Variants in SPTB observed in about 807,000 individuals in gnomAD.
SPTB encodes the protein spectrin beta, erythrocytic.
In SPTB, 45 loss-of-function variants were observed where a neutral mutation model predicts 256.2. That is an observed-to-expected ratio of 0.18 (90% CI 0.14 to 0.23). The LOEUF (loss-of-function observed/expected upper bound fraction) is 0.23, where lower values mean the gene tolerates loss of function less well. Ranked by LOEUF, SPTB falls within the 10% of genes least tolerant of loss-of-function variation. The pLI, the probability that SPTB is intolerant of heterozygous loss-of-function variation, is 1.00. For synonymous variants in SPTB, 1,231 were observed against 1,243.1 expected, an observed-to-expected ratio of 0.99 and a Z score of 0.21; for missense variants, 2,715 against 3,040.4, an observed-to-expected ratio of 0.89 and a Z score of 2.52.
rs1200072657 is a variant in SPTB at position 64,795,449 on chromosome 14, C to T, written c.1532G>A (p.Ser511Asn). Residue 511 changes from serine to asparagine, a missense_variant, in exon 12 of 36, where the codon AGC (serine) becomes AAC (asparagine). By Grantham distance (46) the Ser-to-Asn change is conservative (BLOSUM62 1). Transcript: ENST00000644917. The surrounding 1 kb of genome is among the most constrained non-coding windows in gnomAD (Gnocchi z 6.5). Reference protein sequence around the residue: ...ARKDNILRLWSYLQELLQSRR... With the variant: ...ARKDNILRLWNYLQELLQSRR... ...GGACTGCAGCAGCTCCTGCAGGTAGCTCCATAGGCGCAGTATATTGTCCTT... is the reference window on the plus strand; with the variant it reads ...GGACTGCAGCAGCTCCTGCAGGTAGTTCCATAGGCGCAGTATATTGTCCTT... 1.9e-6 allele frequency: 3 copies of T among 1,614,094 alleles called. No individual in the cohort carries two copies. The highest frequency in any genetic ancestry group is 2.5e-6 in the Non-Finnish European group (3 of 1,180,038).
chr14:64,793,602 A>G lies in SPTB; in HGVS notation c.2061T>C (p.Arg687=), dbSNP rs775554756. The change falls in exon 14 of 36, where the codon CGT becomes CGC. Residue 687 remains arginine (R), a synonymous_variant. Transcript: ENST00000644917. This position sits in a 1 kb window ranked among gnomAD's most constrained non-coding sequence, Gnocchi z 7.0. ...RKHKAFEDEL[R]GLDAHLEQIF... ...TCTGCTCCAGGTGAGCATCCAGCCC[A>G]CGGAGCTCATCCTCAAAGGCCTTGT... is the stretch of plus-strand genomic sequence containing the variant. The G allele has an allele frequency of 6.2e-7, 1 of 1,614,152 alleles. No homozygotes were observed. Among genetic ancestry groups the G allele is most frequent in the Non-Finnish European group, 8.5e-7 (1 of 1,180,042 alleles).
chr14:64,770,325 A>G (rs1207303325), intron 27 of SPTB, among the ~76,000 whole-genome samples: 1 of 152,330 alleles, frequency 6.6e-6, no homozygotes, highest in East Asian at 1.9e-4. Context: ...TTATATCTCC[A>G]TAAGGATGTT....
intron 23 of SPTB, 143 bp downstream of exon 23, chr14:64,774,982 G>C: frequency 8.4e-7 from 1 of 1,191,520 alleles, no homozygotes; most frequent in Non-Finnish European, 1.2e-6. Flanking sequence ...CCAAGGGAGG[G>C]CAGGGAGTCT....
At chr14:64,788,590 G>C (rs229629) in intron 15 of SPTB, among the ~76,000 whole-genome samples, 58,463 of 152,002 alleles carry the variant, frequency 0.38, 12,901 homozygotes, top group African/African-American at 0.61. Flanking sequence ...TTGTTTGAAA[G>C]CCCTGGAATC....
At position 64,847,538 on chromosome 14, in the gene SPTB, G is replaced by C. The variant is rs1311078130; in HGVS notation, c.-51-24393C>G. Among the ~76,000 whole-genome samples the C allele has an allele frequency of 2.0e-5, 3 of 152,110 alleles. No homozygotes were observed. The highest frequency in any genetic ancestry group is 7.2e-5 in the African/African-American group (3 of 41,424). ...CTCCTTTCAAGCTACATTGGCTTTGGATCAGAACGTCAACTCAGAAGAAGA... is the reference window on the plus strand; with the variant it reads ...CTCCTTTCAAGCTACATTGGCTTTGCATCAGAACGTCAACTCAGAAGAAGA... On this transcript the variant is annotated intron_variant, in intron 1 of 35. Transcript: ENST00000644917. This position sits in a 1 kb window ranked among gnomAD's most constrained non-coding sequence, Gnocchi z 5.9.
chr14:64,872,563 A>G (rs1882592490), intron 1 of SPTB, among the ~76,000 whole-genome samples: 1 of 152,212 alleles, frequency 6.6e-6, no homozygotes, highest in Non-Finnish European at 1.5e-5. Context: ...TTTTCTCTCC[A>G]GCACTGTGGT....
In SPTB at chr14:64,775,353, C is replaced by T; in HGVS notation, c.4614G>A (p.Leu1538=). 1 of 1,613,442 alleles carries T rather than the reference C, an allele frequency of 6.2e-7. No individual in the cohort carries two copies. Among genetic ancestry groups the T allele is most frequent in the Non-Finnish European group, 8.5e-7 (1 of 1,179,700 alleles). Reference sequence around the variant, plus strand: ...CCTCCACCAGCTGCTGCCCTCTCTGCAGCACATCCTCAACCCGCGGCGTAT... The same window carrying T: ...CCTCCACCAGCTGCTGCCCTCTCTGTAGCACATCCTCAACCCGCGGCGTAT... ...LGHTPRVEDV[L]QRGQQLVEAA... is the part of the protein sequence containing the mutation. Residue 1538 remains leucine, a synonymous_variant, in exon 23 of 36, where the codon CTG becomes CTA. Transcript: ENST00000644917. The surrounding 1 kb of genome is among the most constrained non-coding windows in gnomAD (Gnocchi z 5.0).
chr14:64,849,897 T>A (rs568166320), intron 1 of SPTB, among the ~76,000 whole-genome samples: 2 of 152,192 alleles, frequency 1.3e-5, no homozygotes, highest in African/African-American at 4.8e-5. Context: ...TGGGCTGTAC[T>A]CTTCAAAGAC....
intron 2 of SPTB, among the ~76,000 whole-genome samples, chr14:64,822,020 C>T (rs2083295434): frequency 6.6e-6 from 1 of 151,836 alleles, no homozygotes; most frequent in African/African-American, 2.4e-5. Context: ...AGAATCACTC[C>T]AGAAAGTGTT....
At chr14:64,797,517 A>G (rs1042630413) in intron 10 of SPTB, among the ~76,000 whole-genome samples, 1 of 137,094 alleles carries the variant, frequency 7.3e-6, no homozygotes, top group Non-Finnish European at 1.5e-5. Flanking sequence ...TCAGGGATGC[A>G]GGGCATCTGA....
chr14:64,841,827 G>A lies in SPTB; in HGVS notation c.-51-18682C>T, dbSNP rs2083612484. Among the ~76,000 whole-genome samples the A allele has an allele frequency of 6.6e-6, 1 of 152,142 alleles. No homozygotes were observed. The highest frequency in any genetic ancestry group is 2.1e-4 in the South Asian group (1 of 4,828). On this transcript the variant is annotated intron_variant, in intron 1 of 35. Coordinates refer to ENST00000644917, the MANE Select transcript of SPTB (RefSeq NM_001355436.2). The surrounding 1 kb of genome is among the most constrained non-coding windows in gnomAD (Gnocchi z 4.6). ...AAAAGAAGGGAAACCCCCGCGTATG[G>A]AACCAGAAGAGGGTTTCTTGCAGAA...
Position 64,794,604 on chromosome 14 carries a change from G to C in SPTB, c.1658C>G (p.Ser553Cys), listed in dbSNP as rs376738838. 5.0e-5 allele frequency: 80 copies of C among 1,614,168 alleles called. No homozygotes were observed. Among genetic ancestry groups the C allele is most frequent in the Non-Finnish European group, 5.8e-5 (68 of 1,180,020 alleles). ...CAACAAGTGCTTCCCAAACTCGGCAGACAAGAGGTGAGCCTGGCAAAGAGA... is the reference window on the plus strand; with the variant it reads ...CAACAAGTGCTTCCCAAACTCGGCACACAAGAGGTGAGCCTGGCAAAGAGA... ...WMDEIKAHLLSAEFGKHLLEV... is the reference protein window; with the variant it reads ...WMDEIKAHLLCAEFGKHLLEV... The change falls in exon 13 of 36, where the codon TCT becomes TGT. Residue 553 changes from serine (S) to cysteine (C), a missense_variant. Physicochemically the swap from Ser to Cys is moderately radical, Grantham distance 112. Around this residue, in one of 4 missense-constraint regions of SPTB, gnomAD observed 2,239 missense variants for 2,384.4 expected, o/e 0.94. Coordinates refer to ENST00000644917, the MANE Select transcript of SPTB (RefSeq NM_001355436.2).
chr14:64,853,803 T>C lies in SPTB; in HGVS notation c.-52+25989A>G, dbSNP rs947385614. ...AGTGTTTGGGAACATTTCTTGTGTC[T>C]ACTGGCCTAGGATCTCACACATATC... On this transcript the variant is annotated intron_variant, in intron 1 of 35. Coordinates refer to ENST00000644917, the MANE Select transcript of SPTB (RefSeq NM_001355436.2). The surrounding 1 kb of genome is among the most constrained non-coding windows in gnomAD (Gnocchi z 4.3). 2.0e-5 allele frequency among the ~76,000 whole-genome samples: 3 copies of C among 152,218 alleles called. No individual in the cohort carries two copies. Among genetic ancestry groups the C allele is most frequent in the Non-Finnish European group, 4.4e-5 (3 of 68,042 alleles).
chr14:64,857,905 C>T (rs566495180), intron 1 of SPTB, among the ~76,000 whole-genome samples: 3 of 152,276 alleles, frequency 2.0e-5, no homozygotes, highest in African/African-American at 7.2e-5. Context: ...AAAAGAGAAA[C>T]TGAGCTATAA....
intron 1 of SPTB, among the ~76,000 whole-genome samples, chr14:64,850,488 C>T (rs771995723): frequency 9.2e-5 from 14 of 152,220 alleles, no homozygotes; most frequent in Non-Finnish European, 1.3e-4. Flanking sequence ...CCAACATCCT[C>T]AAGTTTCCAG....
At chr14:64,774,942 G>A (rs1359878317) in intron 23 of SPTB, among the ~76,000 whole-genome samples, 183 bp downstream of exon 23, 1 of 152,154 alleles carries the variant, frequency 6.6e-6, no homozygotes, top group Non-Finnish European at 1.5e-5. Context: ...GCTTCAGTGT[G>A]TGCCCTGCAG....
chr14:64,791,795 C>A lies in SPTB; in HGVS notation c.2728G>T (p.Ala910Ser). 6.2e-7 allele frequency: 1 copy of A among 1,614,150 alleles called. No homozygotes were observed. The highest frequency in any genetic ancestry group is 8.5e-7 in the Non-Finnish European group (1 of 1,180,030). Reference protein sequence around the residue: ...LMTQIDGVNLAANSLVESGHP... With the variant: ...LMTQIDGVNLSANSLVESGHP... Reference sequence around the variant, plus strand: ...CCACTCTCTACCAAGCTGTTGGCAGCGAGGTTCACACCATCAATCTGAGTC... The same window carrying A: ...CCACTCTCTACCAAGCTGTTGGCAGAGAGGTTCACACCATCAATCTGAGTC... The change falls in exon 15 of 36, where the codon GCT becomes TCT. Residue 910 changes from alanine to serine, a missense_variant. Around this residue, in one of 4 missense-constraint regions of SPTB, gnomAD observed 2,239 missense variants for 2,384.4 expected, o/e 0.94. Coordinates refer to ENST00000644917, the MANE Select transcript of SPTB (RefSeq NM_001355436.2).
chr14:64,769,360 C>T (rs2082242883), intron 28 of SPTB, among the ~76,000 whole-genome samples: 1 of 152,198 alleles, frequency 6.6e-6, no homozygotes, highest in African/African-American at 2.4e-5. Context: ...GGGTGTTAGG[C>T]CGGTTATGAG....
At position 64,879,388 on chromosome 14, in the gene SPTB, G is replaced by A. The variant is rs558337641; in HGVS notation, c.-52+404C>T. Among the ~76,000 whole-genome samples the A allele has an allele frequency of 9.8e-5, 15 of 152,346 alleles. No individual in the cohort carries two copies. In the East Asian group the frequency reaches 2.7e-3, roughly 27 times the overall value. ...GAGAAGCCGGACAAAAAAAGGCAGA[G>A]AGCAGCGCTGCGGTCGGACGGGCTA... On this transcript the variant is annotated intron_variant, in intron 1 of 35. Transcript: ENST00000644917.
Sources: gnomAD v4.1 joint callset for allele counts (sites outside exome capture counted in the v4.1 genomes callset) on GRCh38, gnomAD v4.1.1 for gene constraint, gnomAD v4.1.1 regional missense constraint, Gnocchi (gnomAD v3.1) non-coding constraint, MANE v1.5 for transcripts, NCBI Gene and HGNC (gene_info 2026-07-23, HGNC 2026-07-21) for gene names.